The following CD207 variants were observed in gnomAD, a reference collection of about 807,000 sequenced individuals.
The protein encoded by CD207 is C-type lectin domain family 4 member K.
In CD207, 28 loss-of-function variants were observed where a neutral mutation model predicts 31.6. The ratio of observed to expected loss-of-function variants is 0.89; its 90% CI spans 0.66 to 1.21. The LOEUF (loss-of-function observed/expected upper bound fraction) is 1.21, where lower values mean the gene tolerates loss of function less well. Among genes scored for constraint, CD207 ranks in the 50% most tolerant of loss-of-function variants. The pLI is 0.00. For missense variants in CD207, 388 were observed against 397.8 expected (o/e 0.98, Z 0.21); for synonymous variants, 168 against 153.9 (o/e 1.09, Z -0.68).
chr2:70,833,824 A>G lies in CD207; in HGVS notation c.387T>C (p.Ser129=). 6.2e-7 allele frequency: 1 copy of G among 1,613,886 alleles called. No individual in the cohort carries two copies. Residue 129 remains serine, a synonymous_variant, in exon 3 of 6, where the codon AGT becomes AGC. Transcript: ENST00000410009. ...GGATCTGTGCGTTGGCCTTCTCCAC[A>G]CTGGTTTTTAACTTCAGGAACTGAG... is the stretch of plus-strand genomic sequence containing the variant. The part of the protein sequence containing the change: ...VRSQFLKLKT[S]VEKANAQIQI...
downstream of CD207, among the ~76,000 whole-genome samples, chr2:70,826,523 G>A (rs907548538): frequency 5.3e-5 from 8 of 152,174 alleles, no homozygotes; most frequent in Middle Eastern, 3.4e-3. Context: ...TTACAAGTCC[G>A]CACTACCACA....
At chr2:70,834,121 C>A (rs1677548393) in intron 2 of CD207, 101 bp from the exon 3 acceptor site, 1 of 1,159,552 alleles carries the variant, frequency 8.6e-7, no homozygotes, top group African/African-American at 1.5e-5. Context: ...TAGGCTGAAG[C>A]TTCCCAAAGA....
intron 4 of CD207, among the ~76,000 whole-genome samples, chr2:70,832,096 G>A (rs1677490185): frequency 6.6e-6 from 1 of 152,222 alleles, no homozygotes; most frequent in Non-Finnish European, 1.5e-5. Context: ...CTGAACTCCA[G>A]AGCACGGACC....
chr2:70,834,234 A>G (rs1677551773), intron 2 of CD207, among the ~76,000 whole-genome samples: 1 of 152,168 alleles, frequency 6.6e-6, no homozygotes, highest in Non-Finnish European at 1.5e-5. Flanking sequence ...AGGTGGATAC[A>G]GATAATGGGG....
At chr2:70,830,020 C>G (rs1553399400), downstream of CD207, among the ~76,000 whole-genome samples, 1 of 152,188 alleles carries the variant, frequency 6.6e-6, no homozygotes, top group Non-Finnish European at 1.5e-5. Context: ...CCTTGCTCTA[C>G]TTTAATAAAA....
downstream of CD207, chr2:70,830,142 G>A (rs1311819377): frequency 1.3e-5 from 2 of 152,194 alleles, no homozygotes; most frequent in Non-Finnish European, 2.9e-5. Context: ...AGAACTTCAT[G>A]TCCACCAGAG....
At chr2:70,831,563 T>C (rs1677473212) in intron 5 of CD207, 138 bp downstream of exon 5, 3 of 677,748 alleles carry the variant, frequency 4.4e-6, no homozygotes, top group Admixed American at 2.2e-5. Context: ...TGCTCGATCT[T>C]GGTTGCAATG....
rs1238216399 is a variant in CD207 at position 70,831,321 on chromosome 2, T to C, written c.837-121A>G. ...GTCCTAGGGAATGGCATAGCAAATGTCTGCACCCAAGCCTCAGAGGAAGGG... is the reference window on the plus strand; with the variant it reads ...GTCCTAGGGAATGGCATAGCAAATGCCTGCACCCAAGCCTCAGAGGAAGGG... On this transcript the variant is annotated intron_variant, in intron 5 of 5. Coordinates refer to ENST00000410009, the MANE Select transcript of CD207 (RefSeq NM_015717.5). 3 of 966,574 alleles carry C rather than the reference T, an allele frequency of 3.1e-6. No homozygotes were observed. The African/African-American group carries it at 4.9e-5, about 16-fold the overall frequency. The allele number at this position is 966,574 out of a possible 1,614,324, so 59.9% of individuals were successfully genotyped here.
downstream of CD207, among the ~76,000 whole-genome samples, chr2:70,825,983 T>C (rs1677334400): frequency 1.1e-5 from 1 of 93,254 alleles, no homozygotes; most frequent in Non-Finnish European, 2.6e-5. Context: ...TCATCTCTAC[T>C]AAAATTAAAA....
chr2:70,831,625 C>T (rs1677474684), intron 5 of CD207, 76 bp downstream of exon 5: 4 of 876,426 alleles, frequency 4.6e-6, no homozygotes, highest in South Asian at 4.0e-5. Flanking sequence ...TCATGGGGAA[C>T]ATCGCCCCCA....
chr2:70,831,097 T>C lies in CD207; in HGVS notation c.940A>G (p.Thr314Ala), dbSNP rs1677456986. Residue 314 changes from threonine to alanine, a missense_variant, in exon 6 of 6, where the codon ACG (threonine) becomes GCG (alanine). Coordinates refer to ENST00000410009, the MANE Select transcript of CD207 (RefSeq NM_015717.5). Reference protein sequence around the residue: ...QAWNDAPCDKTFLFICKRPYV... With the variant: ...QAWNDAPCDKAFLFICKRPYV... ...GGTCGCTTACAAATGAAAAGAAACGTTTTGTCACATGGGGCATCATTCCAG... is the reference window on the plus strand; with the variant it reads ...GGTCGCTTACAAATGAAAAGAAACGCTTTGTCACATGGGGCATCATTCCAG... 2 of 1,613,580 alleles carry C rather than the reference T, an allele frequency of 1.2e-6. No homozygotes were observed. Among genetic ancestry groups the C allele is most frequent in the South Asian group, 1.1e-5 (1 of 91,072 alleles).
downstream of CD207, among the ~76,000 whole-genome samples, chr2:70,827,272 G>C (rs72909877): frequency 0.016 from 2,459 of 152,150 alleles, 60 homozygotes; most frequent in African/African-American, 0.056. Context: ...AAAACACACT[G>C]AGTTTATCAT....
At chr2:70,827,717 A>T (rs1034427227), downstream of CD207, among the ~76,000 whole-genome samples, 2 of 152,234 alleles carry the variant, frequency 1.3e-5, no homozygotes, top group African/African-American at 4.8e-5. Flanking sequence ...AAGAAAGCAT[A>T]GCTCATACAA....
At chr2:70,824,872 T>G in the CD207 span, among the ~76,000 whole-genome samples, 1 of 152,220 alleles carries the variant, frequency 6.6e-6, no homozygotes, top group Non-Finnish European at 1.5e-5. Flanking sequence ...AAATATTTTA[T>G]GTAAATATCC....
rs1414343184 is a variant in CD207, at chr2:70,830,974, T to G, written c.*76A>C. ...ATTAACGTGCAAAGTCATCCTGGAG[T>G]CTGGGGAAGAAAGAGGCATTTCCTC... On this transcript the variant is annotated 3_prime_UTR_variant, in exon 6 of 6. Coordinates refer to ENST00000410009, the MANE Select transcript of CD207 (RefSeq NM_015717.5). 13 of 1,366,152 alleles carry G rather than the reference T, an allele frequency of 9.5e-6. No homozygotes were observed. Among genetic ancestry groups the G allele is most frequent in the Non-Finnish European group, 1.3e-5 (13 of 994,806 alleles). 84.6% of individuals were successfully genotyped at this position (1,366,152 alleles called of 1,614,324 possible). A position where few individuals can be genotyped will look rare whatever the true frequency, so the allele number is the denominator to read the frequency against.
intron 4 of CD207, 79 bp from the exon 5 acceptor site, chr2:70,831,898 G>A (rs143492449): frequency 1.1e-3 from 1,058 of 936,950 alleles, no homozygotes; most frequent in Non-Finnish European, 1.7e-3. Flanking sequence ...CTTCACCTGC[G>A]CTCAGTGACA....
At chr2:70,832,822 C>A (rs115440071) in intron 4 of CD207, 78 bp downstream of exon 4, 2 of 1,356,574 alleles carry the variant, frequency 1.5e-6, no homozygotes, top group African/African-American at 2.9e-5. Flanking sequence ...TTTTTGTTCA[C>A]GCAGTATAAT....
rs1553400274 is a variant in CD207 at position 70,833,684 on chromosome 2, C to T, written c.527G>A (p.Gly176Asp). 6.2e-7 allele frequency: 1 copy of T among 1,613,646 alleles called. No individual in the cohort carries two copies. Among genetic ancestry groups the T allele is most frequent in the Non-Finnish European group, 8.5e-7 (1 of 1,179,776 alleles). The change falls in exon 3 of 6, where the codon GGC becomes GAC. Residue 176 changes from glycine to aspartate, a missense_variant. Physicochemically the swap from Gly to Asp is moderately conservative, Grantham distance 94 (BLOSUM62 -1). Transcript: ENST00000410009. ...CAACTTGCTCATATTCTCCAAGCTG[C>T]CCTGGAGTGCCCGGATCTTTGTATT... ...ALNTKIRALQ[G>D]SLENMSKLLK... is the part of the protein sequence containing the mutation.
Position 70,830,650 on chromosome 2 carries a change from C to T in CD207, c.*400G>A. On this transcript the variant is annotated 3_prime_UTR_variant, in exon 6 of 6. Coordinates refer to ENST00000410009, the MANE Select transcript of CD207 (RefSeq NM_015717.5). ...GACATGGAAATTCTAGGGGGTTTGG[C>T]CAAGAAAAGCCCTGGATGACAATAT... 6.2e-6 allele frequency: 1 copy of T among 162,342 alleles called. No homozygotes were observed. 10.1% of individuals were successfully genotyped at this position (162,342 alleles called of 1,614,324 possible).
Sources: gnomAD v4.1 joint callset for allele counts (sites outside exome capture counted in the v4.1 genomes callset) on GRCh38, gnomAD v4.1.1 for gene constraint, MANE v1.5 for transcripts, NCBI Gene and HGNC (gene_info 2026-07-23, HGNC 2026-07-21) for gene names.